Variants in PTPRN2 observed in about 807,000 individuals in gnomAD.
The protein encoded by PTPRN2 is protein tyrosine phosphatase receptor type N2.
A neutral mutation model predicts 118.8 loss-of-function variants in PTPRN2; 74 were observed. That is an observed-to-expected ratio of 0.62 (90% CI 0.52 to 0.76). The LOEUF is 0.76. PTPRN2 is among the 30% of genes least tolerant of loss of function. The probability of loss-of-function intolerance (pLI) is 0.00; values close to 1 mark genes in which losing one functional copy is unlikely to be tolerated. For synonymous variants in PTPRN2, 641 were observed against 608.0 expected, an observed-to-expected ratio of 1.05 and a Z score of -0.80; for missense variants, 1,481 against 1,394.4, an observed-to-expected ratio of 1.06 and a Z score of -0.99.
rs1800600717 is a variant in PTPRN2, at chr7:157,585,054, T to C, written c.2497-6914A>G. On this transcript the variant is annotated intron_variant, in intron 17 of 22. Coordinates refer to ENST00000389418, the MANE Select transcript of PTPRN2 (RefSeq NM_002847.5). The surrounding 1 kb of genome is among the most constrained non-coding windows in gnomAD (Gnocchi z 5.2). ...GTGCACCTACCTGGCTTTTTTTTAG[T>C]AAACAAATATCTCAGTGTGGGATTC... 6.6e-6 allele frequency among the ~76,000 whole-genome samples: 1 copy of C among 152,116 alleles called. No homozygotes were observed. The highest frequency in any genetic ancestry group is 1.5e-5 in the Non-Finnish European group (1 of 68,020).
At chr7:157,957,529 T>C (rs1801260858) in intron 11 of PTPRN2, among the ~76,000 whole-genome samples, 1 of 152,082 alleles carries the variant, frequency 6.6e-6, no homozygotes, top group Admixed American at 6.5e-5. Context: ...TTTTAAATAG[T>C]ATTATTGTAT....
At chr7:158,586,715 A>C (rs1828943732) in intron 1 of PTPRN2, among the ~76,000 whole-genome samples, 1 of 152,166 alleles carries the variant, frequency 6.6e-6, no homozygotes, top group Admixed American at 6.5e-5. Context: ...CGCGGCTGCC[A>C]CGGAGGAAAA....
chr7:158,522,479 G>C lies in PTPRN2; in HGVS notation c.113-32694C>G, dbSNP rs1362054798. The stretch of plus-strand genomic sequence containing the variant: ...TAGGAGAAAGGTCCACGTCAGAATG[G>C]TGGACTGTTTTAAGAGGAAGGTCCA... On this transcript the variant is annotated intron_variant, in intron 1 of 22. Transcript: ENST00000389418. Among the ~76,000 whole-genome samples, 2 of 151,188 alleles carry C rather than the reference G, an allele frequency of 1.3e-5. 1 individual carries two copies. The highest frequency in any genetic ancestry group is 2.9e-5 in the Non-Finnish European group (2 of 67,946).
rs534677971 is a variant in PTPRN2, at chr7:158,183,933, C to A, written c.549+8394G>T. On this transcript the variant is annotated intron_variant, in intron 5 of 22. Coordinates refer to ENST00000389418, the MANE Select transcript of PTPRN2 (RefSeq NM_002847.5). ...CCAAGTGGGAGAGGCATGCTAACAC[C>A]GCTTCTAATCCACTGTCTTGAAAAA... is the stretch of plus-strand genomic sequence containing the variant. Among the ~76,000 whole-genome samples the A allele has an allele frequency of 1.7e-3, 259 of 152,034 alleles. 2 individuals are homozygous for A. The highest frequency in any genetic ancestry group is 6.0e-3 in the African/African-American group (248 of 41,442).
In PTPRN2 at chr7:157,729,840, G is replaced by A. The variant is rs1585322377; in HGVS notation, c.1789-46903C>T. Among the ~76,000 whole-genome samples the A allele has an allele frequency of 1.3e-5, 2 of 152,178 alleles. No homozygotes were observed. The highest frequency in any genetic ancestry group is 4.8e-5 in the African/African-American group (2 of 41,436). ...AGGACGGGGAGCGGCAGGCGGATGA[G>A]GGAAGGACCGTCCATTTGACTGGGC... On this transcript the variant is annotated intron_variant, in intron 12 of 22. Transcript: ENST00000389418. The surrounding 1 kb of genome is among the most constrained non-coding windows in gnomAD (Gnocchi z 4.3).
chr7:157,798,830 G>A (rs2151090577), intron 12 of PTPRN2, among the ~76,000 whole-genome samples: 1 of 152,206 alleles, frequency 6.6e-6, no homozygotes, highest in African/African-American at 2.4e-5. Flanking sequence ...TGTGGGGTGG[G>A]GTGGGGCAGG....
intron 1 of PTPRN2, among the ~76,000 whole-genome samples, chr7:158,584,899 A>T (rs1828831006): frequency 6.6e-6 from 1 of 152,232 alleles, no homozygotes; most frequent in Non-Finnish European, 1.5e-5. Flanking sequence ...TGTTAACATC[A>T]ACCTCTAGTT....
chr7:158,516,679 C>T (rs1338350410), intron 1 of PTPRN2, among the ~76,000 whole-genome samples: 18 of 130,974 alleles, frequency 1.4e-4, no homozygotes, highest in Middle Eastern at 4.9e-3. Flanking sequence ...TCTTGGTGCT[C>T]CTGCCTATTG....
At chr7:157,857,920 G>A (rs1809844885) in intron 12 of PTPRN2, 1 of 153,594 alleles carries the variant, frequency 6.5e-6, no homozygotes, top group Admixed American at 6.5e-5. Context: ...TGGCCCCAGT[G>A]GCTCAGATCA....
intron 11 of PTPRN2, among the ~76,000 whole-genome samples, chr7:157,933,715 G>T (rs1454153994): frequency 8.7e-5 from 13 of 148,946 alleles, no homozygotes; most frequent in African/African-American, 3.0e-4. Context: ...AGTTTTAGTG[G>T]AGGGATGAGT....
At chr7:158,229,212 A>AG (rs1001037060) in intron 3 of PTPRN2, among the ~76,000 whole-genome samples, 169 of 152,170 alleles carry the variant, frequency 1.1e-3, no homozygotes, top group African/African-American at 3.9e-3. Flanking sequence ...GGGACCTAGA[A>AG]GGGGGAGAAA....
intron 1 of PTPRN2, among the ~76,000 whole-genome samples, chr7:158,538,891 C>G (rs1825805087): frequency 6.6e-6 from 1 of 152,190 alleles, no homozygotes; most frequent in Admixed American, 6.5e-5. Context: ...ACACGACCCA[C>G]CCAAACTCAC....
At chr7:158,121,147 G>T (rs1817142870) in intron 9 of PTPRN2, among the ~76,000 whole-genome samples, 1 of 152,088 alleles carries the variant, frequency 6.6e-6, no homozygotes, top group Admixed American at 6.5e-5. Context: ...CAAAGGGCCA[G>T]CCTACCTGCT....
intron 15 of PTPRN2, among the ~76,000 whole-genome samples, chr7:157,604,856 T>C (rs1801907246): frequency 6.6e-6 from 1 of 152,212 alleles, no homozygotes; most frequent in African/African-American, 2.4e-5. Flanking sequence ...ATAACCCCCA[T>C]CCTGCTTGCT....
chr7:157,749,358 G>T (rs541735408), intron 12 of PTPRN2, among the ~76,000 whole-genome samples: 1 of 135,642 alleles, frequency 7.4e-6, no homozygotes, highest in South Asian at 2.5e-4. Context: ...GCTACAGGCT[G>T]TTGAGGTGAT....
chr7:157,610,887 C>T lies in PTPRN2; in HGVS notation c.2345-6812G>A, dbSNP rs537862334. On this transcript the variant is annotated intron_variant, in intron 15 of 22. Transcript: ENST00000389418. The surrounding 1 kb of genome is among the most constrained non-coding windows in gnomAD (Gnocchi z 5.1). ...GCTCAGCTCAAGCTATAAAGCTCAT[C>T]GAACATTTAGGAAAGTCAGCTGAGT... Among the ~76,000 whole-genome samples the T allele has an allele frequency of 5.3e-5, 8 of 152,328 alleles. No homozygotes were observed. The East Asian group carries it at 9.6e-4, about 18-fold the overall frequency.
rs954203778 is a variant in PTPRN2 at position 157,603,170 on chromosome 7, G to A, written c.2418+832C>T. ...GCCCCCGCCACCTGCCACCATCACT[G>A]CTCATCTGAACACCCAGTCCGAGTG... On this transcript the variant is annotated intron_variant, in intron 16 of 22. Transcript: ENST00000389418. This position sits in a 1 kb window ranked among gnomAD's most constrained non-coding sequence, Gnocchi z 5.4. Among the ~76,000 whole-genome samples, 3 of 150,430 alleles carry A rather than the reference G, an allele frequency of 2.0e-5. No individual in the cohort carries two copies. Among genetic ancestry groups the A allele is most frequent in the Admixed American group, 2.0e-4 (3 of 15,066 alleles).
chr7:158,514,590 G>A (rs1312754139), intron 1 of PTPRN2, among the ~76,000 whole-genome samples: 3 of 152,114 alleles, frequency 2.0e-5, no homozygotes, highest in East Asian at 3.8e-4. Flanking sequence ...GGATCCATGT[G>A]TGCAGCAACC....
chr7:158,189,361 G>A (rs1825577616), intron 5 of PTPRN2, among the ~76,000 whole-genome samples: 1 of 152,190 alleles, frequency 6.6e-6, no homozygotes, highest in African/African-American at 2.4e-5. Flanking sequence ...ACCGAAGGAG[G>A]AGCATGATGA....
Sources: gnomAD v4.1 joint callset for allele counts (sites outside exome capture counted in the v4.1 genomes callset) on GRCh38, gnomAD v4.1.1 for gene constraint, Gnocchi (gnomAD v3.1) non-coding constraint, MANE v1.5 for transcripts, NCBI Gene and HGNC (gene_info 2026-07-23, HGNC 2026-07-21) for gene names.